Variants in ERC2 observed in about 807,000 individuals in gnomAD.
The protein encoded by ERC2 is ERC protein 2.
In ERC2, 42 loss-of-function variants were observed where a neutral mutation model predicts 114.8. That is an observed-to-expected ratio of 0.37 (90% CI 0.29 to 0.47). ERC2 has a LOEUF of 0.47. Among genes scored for constraint, ERC2 ranks in the 20% least tolerant of loss-of-function variants. The pLI, the probability that ERC2 is intolerant of heterozygous loss-of-function variation, is 0.99. For synonymous variants in ERC2, 454 were observed against 425.5 expected (o/e 1.07, Z -0.82); for missense variants, 939 against 1,150.7 (o/e 0.82, Z 2.66).
chr3:56,213,338 G>T (rs555310601), intron 3 of ERC2, among the ~76,000 whole-genome samples: 1 of 152,172 alleles, frequency 6.6e-6, no homozygotes, highest in East Asian at 1.9e-4. Context: ...TTTTCCTATG[G>T]TCTTAGCAAA....
intron 14 of ERC2, among the ~76,000 whole-genome samples, chr3:55,870,272 A>G (rs551905669): frequency 7.9e-5 from 12 of 152,222 alleles, no homozygotes; most frequent in Admixed American, 7.8e-4. Context: ...ATGGGGTTTC[A>G]TCATGTTGGC....
chr3:55,682,109 G>A (rs990595787), intron 17 of ERC2, among the ~76,000 whole-genome samples: 39 of 152,156 alleles, frequency 2.6e-4, no homozygotes, highest in Non-Finnish European at 8.8e-5. Flanking sequence ...GCTATAAAAC[G>A]CTTTCTTCTC....
intron 8 of ERC2, among the ~76,000 whole-genome samples, chr3:56,015,108 A>T (rs2073216603): frequency 6.6e-6 from 1 of 152,202 alleles, no homozygotes; most frequent in African/African-American, 2.4e-5. Context: ...TAGCAAAATT[A>T]ATTTGGAAAT....
At chr3:56,255,302 C>A (rs1381493325) in intron 3 of ERC2, among the ~76,000 whole-genome samples, 1 of 152,202 alleles carries the variant, frequency 6.6e-6, no homozygotes, top group Non-Finnish European at 1.5e-5. Flanking sequence ...GTAACCCCCA[C>A]CACGGACTCC....
intron 13 of ERC2, among the ~76,000 whole-genome samples, chr3:55,932,699 A>T (rs1004833488): frequency 1.3e-5 from 2 of 152,180 alleles, no homozygotes; most frequent in African/African-American, 4.8e-5. Context: ...GTCCAGTGGG[A>T]TTCTTTATTC....
At chr3:56,250,970 A>C (rs2052108323) in intron 3 of ERC2, among the ~76,000 whole-genome samples, 1 of 152,228 alleles carries the variant, frequency 6.6e-6, no homozygotes, top group African/African-American at 2.4e-5. Flanking sequence ...CCAATCAAAA[A>C]TTTACTAGAA....
At chr3:55,514,409 G>A (rs2052341141) in intron 17 of ERC2, among the ~76,000 whole-genome samples, 1 of 152,114 alleles carries the variant, frequency 6.6e-6, no homozygotes, top group Admixed American at 6.5e-5. Context: ...AGCCGTGATT[G>A]TGCCACTCCA....
At chr3:56,111,104 G>C (rs2078934571) in intron 6 of ERC2, among the ~76,000 whole-genome samples, 1 of 152,086 alleles carries the variant, frequency 6.6e-6, no homozygotes, top group African/African-American at 2.4e-5. Context: ...ACCCCAGAAA[G>C]TTATGTGTGA....
chr3:56,213,985 A>G (rs753698510), intron 3 of ERC2, among the ~76,000 whole-genome samples: 3 of 152,224 alleles, frequency 2.0e-5, no homozygotes, highest in African/African-American at 7.2e-5. Context: ...AAGGACATCC[A>G]CACCAAAACC....
At chr3:56,190,815 C>T (rs1290334425) in intron 3 of ERC2, among the ~76,000 whole-genome samples, 1 of 151,912 alleles carries the variant, frequency 6.6e-6, no homozygotes, top group Non-Finnish European at 1.5e-5. Flanking sequence ...TTCAAGAGAC[C>T]CTCCCACCTC....
chr3:56,036,880 T>C (rs984693018), intron 7 of ERC2, among the ~76,000 whole-genome samples: 2 of 152,114 alleles, frequency 1.3e-5, no homozygotes, highest in Non-Finnish European at 2.9e-5. Context: ...GGCTGGAGAC[T>C]GCCTAAGATG....
intron 15 of ERC2, among the ~76,000 whole-genome samples, chr3:55,703,558 T>C (rs1159759771): frequency 1.3e-5 from 2 of 152,214 alleles, no homozygotes; most frequent in East Asian, 1.9e-4. Context: ...TTCACTTGGC[T>C]TTCTCCACCA....
At chr3:55,592,152 T>C (rs2057921887) in intron 17 of ERC2, among the ~76,000 whole-genome samples, 1 of 152,168 alleles carries the variant, frequency 6.6e-6, no homozygotes, top group South Asian at 2.1e-4. Flanking sequence ...CATGAACGAA[T>C]CCGGCTTCCT....
chr3:55,955,986 G>C (rs2067926039), intron 12 of ERC2, among the ~76,000 whole-genome samples: 1 of 152,080 alleles, frequency 6.6e-6, no homozygotes, highest in Non-Finnish European at 1.5e-5. Context: ...CTAACTCATA[G>C]GGTGATTGTG....
In ERC2 at chr3:55,551,491, C is replaced by A. The variant is rs190152915; in HGVS notation, c.*40-40215G>T. Among the ~76,000 whole-genome samples the A allele has an allele frequency of 3.5e-3, 529 of 152,130 alleles. 2 individuals carry two copies. Among genetic ancestry groups the A allele is most frequent in the African/African-American group, 0.012 (508 of 41,502 alleles). ...TGAGTTTTCACGGTGCCACTGCACT[C>A]CAGCCTTGGAGACAGAGTGCGATTC... On this transcript the variant is annotated intron_variant, in intron 17 of 17. Coordinates refer to ENST00000288221, the MANE Select transcript of ERC2 (RefSeq NM_015576.3).
chr3:56,236,904 G>A (rs1313181799), intron 3 of ERC2, among the ~76,000 whole-genome samples: 1 of 152,178 alleles, frequency 6.6e-6, no homozygotes, highest in Admixed American at 6.5e-5. Context: ...CGTAACAAGT[G>A]TTGAATGAAC....
chr3:55,731,226 T>C (rs974517510), intron 15 of ERC2, among the ~76,000 whole-genome samples: 1 of 152,200 alleles, frequency 6.6e-6, no homozygotes, highest in Non-Finnish European at 1.5e-5. Flanking sequence ...GGTGTCAACA[T>C]CTATCTGCTC....
chr3:56,181,742 A>T (rs2083296214), intron 3 of ERC2, among the ~76,000 whole-genome samples: 1 of 152,230 alleles, frequency 6.6e-6, no homozygotes, highest in African/African-American at 2.4e-5. Context: ...CCTAGGTTTA[A>T]AAGAAATTAT....
At chr3:55,915,029 C>T (rs1559863598) in intron 13 of ERC2, among the ~76,000 whole-genome samples, 2 of 152,102 alleles carry the variant, frequency 1.3e-5, no homozygotes, top group Non-Finnish European at 2.9e-5. Context: ...TCTATGCCGT[C>T]GTCGCATATT....
Sources: gnomAD v4.1 joint callset for allele counts (sites outside exome capture counted in the v4.1 genomes callset) on GRCh38, gnomAD v4.1.1 for gene constraint, MANE v1.5 for transcripts, NCBI Gene and HGNC (gene_info 2026-07-23, HGNC 2026-07-21) for gene names.